The following GALNT14 variants were observed in gnomAD, a reference collection of about 807,000 sequenced individuals.
GALNT14 encodes polypeptide N-acetylgalactosaminyltransferase 14.
A neutral mutation model predicts 77.5 loss-of-function variants in GALNT14; 60 were observed. The observed-to-expected ratio is 0.77, with a 90% CI of 0.63 to 0.96. The LOEUF (loss-of-function observed/expected upper bound fraction) is 0.96, where lower values mean the gene tolerates loss of function less well. Among genes scored for constraint, GALNT14 ranks in the 40% least tolerant of loss-of-function variants. The pLI, the probability that GALNT14 is intolerant of heterozygous loss-of-function variation, is 0.00. For synonymous variants in GALNT14, 280 were observed against 281.7 expected, an observed-to-expected ratio of 0.99 and a Z score of 0.06; for missense variants, 710 against 731.0, an observed-to-expected ratio of 0.97 and a Z score of 0.33.
In GALNT14 at chr2:30,989,564, A is replaced by ATATATAT. The variant is rs1243769878; in HGVS notation, c.299+3267_299+3273dup. Reference sequence around the variant, plus strand: ...ACTATTAGGTAGGTAAATACCTTATATATATATATATATATATAAAAATAT... The same window carrying ATATATAT: ...ACTATTAGGTAGGTAAATACCTTATATATATATTATATATATATATATATAAAAATAT... On this transcript the variant is annotated intron_variant, in intron 2 of 14. Coordinates refer to ENST00000349752, the MANE Select transcript of GALNT14 (RefSeq NM_024572.4). Among the ~76,000 whole-genome samples, 9 of 127,388 alleles carry ATATATAT rather than the reference A, an allele frequency of 7.1e-5. 1 individual carries two copies. Among genetic ancestry groups the ATATATAT allele is most frequent in the African/African-American group, 3.0e-4 (9 of 30,278 alleles). The allele number at this position is 127,388 out of a possible 152,430, so 83.6% of individuals were successfully genotyped here.
chr2:30,921,461 A>G (rs1448495663), intron 13 of GALNT14, among the ~76,000 whole-genome samples: 1 of 151,968 alleles, frequency 6.6e-6, no homozygotes, highest in Non-Finnish European at 1.5e-5. Context: ...CAACACCTCA[A>G]TTTCCTTTCC....
intron 1 of GALNT14, among the ~76,000 whole-genome samples, chr2:31,013,870 T>C (rs1026162561): frequency 1.9e-4 from 28 of 151,156 alleles, no homozygotes; most frequent in Non-Finnish European, 3.4e-4. Context: ...TAAACAGCTA[T>C]GGGAATGGTC....
At chr2:30,934,963 G>A (rs989977629) in intron 9 of GALNT14, among the ~76,000 whole-genome samples, 3 of 152,172 alleles carry the variant, frequency 2.0e-5, no homozygotes, top group Non-Finnish European at 4.4e-5. Context: ...CCTACAGCCT[G>A]CTGTAGCCCT....
intron 2 of GALNT14, among the ~76,000 whole-genome samples, chr2:30,985,893 A>C (rs141281877): frequency 6.6e-6 from 1 of 152,322 alleles, no homozygotes; most frequent in Non-Finnish European, 1.5e-5. Flanking sequence ...CTCTGAGGGA[A>C]TATGAACATT....
intron 1 of GALNT14, among the ~76,000 whole-genome samples, chr2:31,127,464 C>T (rs1678757977): frequency 1.3e-5 from 2 of 152,200 alleles, no homozygotes; most frequent in South Asian, 4.1e-4. Flanking sequence ...CACAGTGACA[C>T]TAATTCATTT....
At chr2:30,931,609 T>C (rs530033388) in intron 10 of GALNT14, among the ~76,000 whole-genome samples, 4 of 152,132 alleles carry the variant, frequency 2.6e-5, no homozygotes, top group Admixed American at 6.5e-5. Flanking sequence ...GGCCAGGCCC[T>C]GGAGCAGGGA....
At chr2:31,067,598 C>T (rs1466868131) in intron 1 of GALNT14, among the ~76,000 whole-genome samples, 1 of 152,148 alleles carries the variant, frequency 6.6e-6, no homozygotes, top group Admixed American at 6.5e-5. Flanking sequence ...ACTGAGGTGG[C>T]TTTCCATGCC....
At chr2:30,911,964 G>C (rs1664387447) in intron 14 of GALNT14, among the ~76,000 whole-genome samples, 1 of 152,232 alleles carries the variant, frequency 6.6e-6, no homozygotes, top group Non-Finnish European at 1.5e-5. Context: ...CAGGAAAGTA[G>C]AAGATGACTG....
chr2:30,987,949 G>A (rs143503427), intron 2 of GALNT14, among the ~76,000 whole-genome samples: 151 of 152,248 alleles, frequency 9.9e-4, no homozygotes, highest in Middle Eastern at 3.4e-3. Context: ...TCCCACATGC[G>A]GTTTCTTCAC....
intron 2 of GALNT14, chr2:30,986,893 G>C (rs1431540998): frequency 6.6e-6 from 1 of 152,232 alleles, no homozygotes; most frequent in Admixed American, 6.5e-5. Context: ...AGGGGAAGTT[G>C]GAGCTAGGAT....
chr2:30,992,281 G>A (rs950793185), intron 2 of GALNT14, among the ~76,000 whole-genome samples: 2 of 152,184 alleles, frequency 1.3e-5, no homozygotes, highest in African/African-American at 4.8e-5. Context: ...GGCATGGCCT[G>A]ACTAAAGGCT....
At chr2:30,984,664 G>A (rs953741896) in intron 2 of GALNT14, among the ~76,000 whole-genome samples, 3 of 151,960 alleles carry the variant, frequency 2.0e-5, no homozygotes, top group Admixed American at 6.6e-5. Flanking sequence ...ATTTCCTTAT[G>A]CTCTTCCCTC....
intron 9 of GALNT14, among the ~76,000 whole-genome samples, chr2:30,933,223 G>C (rs981044742): frequency 6.6e-6 from 1 of 152,150 alleles, no homozygotes; most frequent in African/African-American, 2.4e-5. Flanking sequence ...CCCCCTAACT[G>C]ACCACAGCGA....
At chr2:31,073,490 G>C (rs1361891704) in intron 1 of GALNT14, among the ~76,000 whole-genome samples, 1 of 152,092 alleles carries the variant, frequency 6.6e-6, no homozygotes, top group African/African-American at 2.4e-5. Context: ...TAAAGAGGGG[G>C]GGGGAACAGC....
intron 1 of GALNT14, among the ~76,000 whole-genome samples, chr2:31,026,380 C>CTT (rs1249365994): frequency 6.6e-6 from 1 of 152,214 alleles, no homozygotes; most frequent in Non-Finnish European, 1.5e-5. Context: ...AGGAGAATTA[C>CTT]TTTCTGTCTC....
At chr2:30,909,738 C>T (rs1183326634), downstream of GALNT14, among the ~76,000 whole-genome samples, 1 of 151,936 alleles carries the variant, frequency 6.6e-6, no homozygotes, top group Admixed American at 6.6e-5. Flanking sequence ...ATAAATCATG[C>T]TGCTATAAAG....
intron 1 of GALNT14, among the ~76,000 whole-genome samples, chr2:31,035,553 A>ATGTG (rs573163116): frequency 0.067 from 8,624 of 129,380 alleles, 510 homozygotes; most frequent in East Asian, 0.093. Flanking sequence ...GATAAAGAAA[A>ATGTG]TGTGTGTGTG....
Position 30,957,520 on chromosome 2 carries a change from G to A in GALNT14, c.466+877C>T, listed in dbSNP as rs183344746. Reference sequence around the variant, plus strand: ...CTTCCTCACTGGGGAAGGGAGAGCCGATCCTCACGTTCCAGAACTCAGAGT... The same window carrying A: ...CTTCCTCACTGGGGAAGGGAGAGCCAATCCTCACGTTCCAGAACTCAGAGT... On this transcript the variant is annotated intron_variant, in intron 4 of 14. Transcript: ENST00000349752. 1.2e-3 allele frequency among the ~76,000 whole-genome samples: 177 copies of A among 152,230 alleles called. 1 individual carries two copies. Among genetic ancestry groups the A allele is most frequent in the African/African-American group, 4.0e-3 (166 of 41,558 alleles).
intron 1 of GALNT14, among the ~76,000 whole-genome samples, chr2:30,995,575 C>A (rs1415266138): frequency 1.3e-5 from 2 of 152,170 alleles, no homozygotes; most frequent in Non-Finnish European, 2.9e-5. Context: ...CTTATTGCAG[C>A]CTCAAACACC....
Sources: allele counts gnomAD v4.1 joint callset (sites outside exome capture counted in the v4.1 genomes callset), GRCh38; gene constraint gnomAD v4.1.1; transcripts MANE v1.5; gene names NCBI Gene and HGNC (gene_info 2026-07-23, HGNC 2026-07-21).